INTS6L: variants seen among roughly 807,000 people sequenced by gnomAD.
INTS6L encodes the protein integrator complex subunit 6-like.
In INTS6L, 18 loss-of-function variants were observed where a neutral mutation model predicts 64.7. The ratio of observed to expected loss-of-function variants is 0.28; its 90% confidence interval spans 0.19 to 0.41. The LOEUF (loss-of-function observed/expected upper bound fraction) is 0.41. Ranked by LOEUF, INTS6L falls within the 10% of genes least tolerant of loss-of-function variation. The pLI is 1.00. For synonymous variants in INTS6L, 227 were observed against 235.9 expected, an observed-to-expected ratio of 0.96 and a Z score of 0.34; for missense variants, 533 against 661.0, an observed-to-expected ratio of 0.81 and a Z score of 2.12.
chrX:135,544,142 A>G (rs899451047), intron 2 of INTS6L, among the ~76,000 whole-genome samples: 1 of 111,921 alleles, frequency 8.9e-6, no homozygotes. Context: ...TATGATGTGA[A>G]TGACTGCAAG....
At chrX:135,558,226 T>A (rs782703902) in intron 9 of INTS6L, among the ~76,000 whole-genome samples, 20 of 112,018 alleles carry the variant, frequency 1.8e-4, no homozygotes, top group African/African-American at 5.2e-4. Context: ...GTAACCAGTA[T>A]GGAAAACAGA....
intron 15 of INTS6L, among the ~76,000 whole-genome samples, chrX:135,579,085 T>C (rs1368874844): frequency 1.8e-5 from 2 of 111,249 alleles, no homozygotes; most frequent in African/African-American, 6.5e-5. Context: ...GCTTGTTTCA[T>C]TTGCTCATTG....
chrX:135,528,681 C>G (rs1333469664), intron 2 of INTS6L, among the ~76,000 whole-genome samples: 8 of 111,863 alleles, frequency 7.2e-5, no homozygotes, highest in Non-Finnish European at 1.3e-4. Flanking sequence ...ATTAATCTAA[C>G]TTGTTTCTTT....
chrX:135,549,512 C>G, intron 6 of INTS6L, 130 bp from the exon 7 acceptor site: 2 of 758,238 alleles, frequency 2.6e-6, no homozygotes. Flanking sequence ...TTTTTTTCTT[C>G]TTCCATTTTT....
At chrX:135,552,274 C>T in intron 8 of INTS6L, 128 bp downstream of exon 8, 1 of 762,018 alleles carries the variant, frequency 1.3e-6, no homozygotes, top group Non-Finnish European at 1.8e-6. Flanking sequence ...CTCATGAATG[C>T]TGTCAAATAA....
chrX:135,525,535 GC>G (rs1182154294), intron 2 of INTS6L, among the ~76,000 whole-genome samples: 1 of 112,068 alleles, frequency 8.9e-6, no homozygotes, highest in African/African-American at 3.2e-5. Flanking sequence ...CCATCCTGTA[GC>G]TAGCTTTGCT....
At chrX:135,571,436 G>A (rs1353738827) in intron 11 of INTS6L, 1 of 111,793 alleles carries the variant, frequency 8.9e-6, no homozygotes, top group Non-Finnish European at 1.9e-5. Context: ...GAAATGGAGA[G>A]TAGTGAGCAA....
chrX:135,531,816 C>T (rs1048355891), intron 2 of INTS6L, among the ~76,000 whole-genome samples: 3 of 111,923 alleles, frequency 2.7e-5, no homozygotes, highest in Non-Finnish European at 5.6e-5. Flanking sequence ...GTCTCTTCTA[C>T]CCTCTGAGTG....
chrX:135,566,508 A>G (rs1208186857), intron 9 of INTS6L, among the ~76,000 whole-genome samples: 1 of 112,076 alleles, frequency 8.9e-6, no homozygotes, highest in Non-Finnish European at 1.9e-5. Flanking sequence ...TAGTACAGTA[A>G]TTGTTCATAA....
At chrX:135,579,003 AGCCCCTGG>A (rs1398351550) in intron 15 of INTS6L, among the ~76,000 whole-genome samples, 1 of 111,182 alleles carries the variant, frequency 9.0e-6, no homozygotes, top group Non-Finnish European at 1.9e-5. Context: ...CTAACACGGG[AGCCCCTGG>A]GGCTCCCTCT....
rs782406574 is a variant in INTS6L, at chrX:135,569,315, A to G, written c.1193-22A>G. 5 of 1,084,408 alleles carry G rather than the reference A, an allele frequency of 4.6e-6. No homozygotes were observed. The East Asian group carries it at 1.3e-4, about 27-fold the overall frequency. 89.4% of individuals were successfully genotyped at this position (1,084,408 alleles called of 1,213,427 possible). ...TAGAGCTCAGGACTAGAATGATGTA[A>G]TATTTTATTTTTCTATTACAGATGA... On this transcript the variant is annotated intron_variant, in intron 9 of 17. Coordinates refer to ENST00000639893, the MANE Select transcript of INTS6L (RefSeq NM_001351601.3).
In INTS6L at chrX:135,574,033, C is replaced by T. The variant is rs781801546; in HGVS notation, c.1712C>T (p.Thr571Met). ...AGAATGAGATCCAATCTGCTGAAAA[C>T]GCACAAGTTTATTGTTGGACAAGAT... ...LTRMRSNLLK[T>M]HKFIVGQDED... The change falls in exon 13 of 18, where the codon ACG (threonine) becomes ATG (methionine). Residue 571 changes from threonine to methionine, a missense_variant. Thr to Met is a moderately conservative substitution (Grantham distance 81, BLOSUM62 -1). Transcript: ENST00000639893. The T allele has an allele frequency of 1.0e-5, 12 of 1,198,181 alleles. No individual in the cohort carries two copies. Among genetic ancestry groups the T allele is most frequent in the South Asian group, 7.4e-5 (4 of 53,967 alleles).
At chrX:135,535,904 T>G (rs1276416824) in intron 2 of INTS6L, among the ~76,000 whole-genome samples, 2 of 111,838 alleles carry the variant, frequency 1.8e-5, no homozygotes, top group Non-Finnish European at 3.8e-5. Flanking sequence ...CCAGGCTGAT[T>G]TAATTTCCTT....
At chrX:135,530,137 A>C (rs1158625143) in intron 2 of INTS6L, among the ~76,000 whole-genome samples, 1 of 112,715 alleles carries the variant, frequency 8.9e-6, no homozygotes, top group Non-Finnish European at 1.9e-5. Context: ...TGTTATTTAT[A>C]GCTGCTTTTA....
At position 135,546,399 on chromosome X, in the gene INTS6L, TAGAACCA is replaced by T; in HGVS notation, c.360_366del (p.Leu120PhefsTer4). Reference sequence around the variant, plus strand: ...TTTTAGGGGAGAAATCCATTTTTTTTAGAACCATCTATTTTAATTACCATCACAGATG... The same window carrying T: ...TTTTAGGGGAGAAATCCATTTTTTTTTCTATTTTAATTACCATCACAGATG... On this transcript the variant is annotated frameshift_variant, in exon 4 of 18. Transcript: ENST00000639893. LOFTEE classifies it high-confidence loss of function. The T allele has an allele frequency of 8.6e-7, 1 of 1,162,171 alleles. No individual in the cohort carries two copies. The highest frequency in any genetic ancestry group is 1.8e-5 in the African/African-American group (1 of 55,081).
Position 135,547,281 on chromosome X carries a change from T to G in INTS6L, c.742+16T>G. 1 of 1,194,104 alleles carries G rather than the reference T, an allele frequency of 8.4e-7. No homozygotes were observed. Among genetic ancestry groups the G allele is most frequent in the South Asian group, 1.8e-5 (1 of 54,452 alleles). ...ATTGGAGAAGGTATAGTAGATAACT[T>G]TTTTAACCCTAAAGTGTTATATAGG... On this transcript the variant is annotated intron_variant, in intron 6 of 17. Transcript: ENST00000639893.
chrX:135,581,537 A>G lies in INTS6L; in HGVS notation c.2598A>G (p.Arg866=), dbSNP rs1345021340. The change falls in exon 18 of 18, where the codon AGA becomes AGG. Residue 866 remains arginine, a synonymous_variant. Coordinates refer to ENST00000639893, the MANE Select transcript of INTS6L (RefSeq NM_001351601.3). The part of the protein sequence containing the change: ...FTIKEAARFK[R]RVLIQYLEKV... ...TTCTCTTTATTTTCAGGTTTAAAAG[A>G]CGAGTCCTAATTCAGTACCTTGAGA... 3 of 1,197,957 alleles carry G rather than the reference A, an allele frequency of 2.5e-6. No homozygotes were observed. The highest frequency in any genetic ancestry group is 3.4e-6 in the Non-Finnish European group (3 of 888,701).
chrX:135,544,399 A>G (rs782521132), intron 2 of INTS6L, among the ~76,000 whole-genome samples: 12 of 111,868 alleles, frequency 1.1e-4, no homozygotes, highest in Non-Finnish European at 2.1e-4. Flanking sequence ...ATATGCCTTC[A>G]GCTAAATGTG....
chrX:135,546,110 A>T (rs1556514995), intron 3 of INTS6L, among the ~76,000 whole-genome samples: 1 of 111,987 alleles, frequency 8.9e-6, no homozygotes, highest in Non-Finnish European at 1.9e-5. Context: ...TTATTTTGTG[A>T]TTACTTGGAA....
Sources: gnomAD v4.1 joint callset for allele counts (sites outside exome capture counted in the v4.1 genomes callset) on GRCh38, gnomAD v4.1.1 for gene constraint, MANE v1.5 for transcripts, NCBI Gene and HGNC (gene_info 2026-07-23, HGNC 2026-07-21) for gene names.